SETBP1: variants seen among roughly 807,000 people sequenced by gnomAD.
SETBP1 encodes the protein SET-binding protein.
In SETBP1, 9 loss-of-function variants were observed where a neutral mutation model predicts 101.0. The ratio of observed to expected loss-of-function variants is 0.09; its 90% CI spans 0.05 to 0.16. The LOEUF (loss-of-function observed/expected upper bound fraction) is 0.16. Among genes scored for constraint, SETBP1 ranks in the 10% least tolerant of loss-of-function variants. The probability of loss-of-function intolerance (pLI) is 1.00; values close to 1 mark genes in which losing one functional copy is unlikely to be tolerated. For synonymous variants in SETBP1, 818 were observed against 788.5 expected (o/e 1.04, Z -0.63); for missense variants, 1,858 against 2,033.8 (o/e 0.91, Z 1.66).
chr18:44,816,456 G>A (rs886502675), intron 2 of SETBP1, among the ~76,000 whole-genome samples: 3 of 152,158 alleles, frequency 2.0e-5, no homozygotes, highest in Non-Finnish European at 2.9e-5. Flanking sequence ...CCTTTGGGGC[G>A]GGGTTGGCCA....
upstream of SETBP1, chr18:44,680,787 C>G (rs1186487977): frequency 6.6e-6 from 1 of 151,422 alleles, no homozygotes; most frequent in Non-Finnish European, 1.5e-5. Context: ...GTCCTGCAGC[C>G]GGCTGGCGGG....
At chr18:44,938,070 G>T (rs2071002997) in intron 3 of SETBP1, among the ~76,000 whole-genome samples, 3 of 152,208 alleles carry the variant, frequency 2.0e-5, no homozygotes, top group Non-Finnish European at 2.9e-5. Context: ...GAAGCAGGGA[G>T]TGGGGGAGCA....
At chr18:44,751,485 T>C (rs545518064) in intron 2 of SETBP1, among the ~76,000 whole-genome samples, 2 of 152,360 alleles carry the variant, frequency 1.3e-5, no homozygotes, top group East Asian at 1.9e-4. Flanking sequence ...CTACCACTAT[T>C]TGACAATGAA....
chr18:45,009,557 T>C lies in SETBP1; in HGVS notation c.4001-28928T>C, dbSNP rs144196506. Among the ~76,000 whole-genome samples, 639 of 152,016 alleles carry C rather than the reference T, an allele frequency of 4.2e-3. 7 individuals are homozygous for C. Among genetic ancestry groups the C allele is most frequent in the African/African-American group, 0.015 (617 of 41,428 alleles). ...AGTCTGATTCATTATCATTCATGGG[T>C]TTGCTCAGGCCCTTGGCTAATACTT... On this transcript the variant is annotated intron_variant, in intron 4 of 5. Coordinates refer to ENST00000649279, the MANE Select transcript of SETBP1 (RefSeq NM_015559.3).
chr18:44,831,141 G>A (rs2072355444), intron 2 of SETBP1, among the ~76,000 whole-genome samples: 1 of 152,226 alleles, frequency 6.6e-6, no homozygotes, highest in African/African-American at 2.4e-5. Context: ...GTAGAGGCCT[G>A]TTTGTGAACA....
chr18:44,971,900 T>G (rs2071870716), intron 4 of SETBP1, among the ~76,000 whole-genome samples: 1 of 152,232 alleles, frequency 6.6e-6, no homozygotes, highest in Non-Finnish European at 1.5e-5. Flanking sequence ...ATTTGTCAAT[T>G]TTGGCTTTTG....
chr18:44,804,432 G>A (rs915216955), intron 2 of SETBP1, among the ~76,000 whole-genome samples: 2 of 152,104 alleles, frequency 1.3e-5, no homozygotes, highest in Admixed American at 6.6e-5. Context: ...TGTAGAGTCC[G>A]TGGAGAGCCT....
chr18:44,788,790 A>ATTTTTTTTTTTTTTTTTTTTTTTTTTT (rs34929410), intron 2 of SETBP1, among the ~76,000 whole-genome samples: 1 of 80,434 alleles, frequency 1.2e-5, no homozygotes. Flanking sequence ...TTCCTTTTTA[A>ATTTTTTTTTTTTTTTTTTTTTTTTTTT]TTTTTTTTTT....
chr18:44,935,717 AG>A (rs1254584147), intron 3 of SETBP1, among the ~76,000 whole-genome samples: 1 of 152,238 alleles, frequency 6.6e-6, no homozygotes, highest in Non-Finnish European at 1.5e-5. Flanking sequence ...TGTATTTAGA[AG>A]AGGCCACTGG....
intron 5 of SETBP1, among the ~76,000 whole-genome samples, chr18:45,056,589 G>A (rs1245084586): frequency 6.6e-6 from 1 of 152,242 alleles, no homozygotes; most frequent in East Asian, 1.9e-4. Flanking sequence ...CACCCCACTT[G>A]GGAAGCTGCT....
intron 3 of SETBP1, among the ~76,000 whole-genome samples, chr18:44,904,667 A>G (rs1012070408): frequency 1.3e-5 from 2 of 152,216 alleles, no homozygotes; most frequent in African/African-American, 4.8e-5. Context: ...AGGGTAGGCT[A>G]GACTGACTTA....
At chr18:44,979,806 C>CA (rs2072071333) in intron 4 of SETBP1, among the ~76,000 whole-genome samples, 1 of 152,126 alleles carries the variant, frequency 6.6e-6, no homozygotes, top group Admixed American at 6.5e-5. Context: ...TTCTTAACAC[C>CA]ATCTATTGCA....
chr18:44,960,709 G>A (rs1410724249), intron 4 of SETBP1, among the ~76,000 whole-genome samples: 1 of 152,002 alleles, frequency 6.6e-6, no homozygotes, highest in Non-Finnish European at 1.5e-5. Context: ...TTTCTTCCCT[G>A]ACCACTCCCT....
intron 2 of SETBP1, among the ~76,000 whole-genome samples, chr18:44,823,638 T>A (rs2072166801): frequency 6.6e-6 from 1 of 152,212 alleles, no homozygotes; most frequent in Non-Finnish European, 1.5e-5. Context: ...CAAACCTCGA[T>A]GCAGAGCAGA....
Position 44,738,228 on chromosome 18 carries a change from A to G in SETBP1, c.486+36396A>G, listed in dbSNP as rs574668085. Reference sequence around the variant, plus strand: ...GTCTCCAGTGGCACTTAATGCTCCAATTGCCATTGTTTGAAGAACGACATC... The same window carrying G: ...GTCTCCAGTGGCACTTAATGCTCCAGTTGCCATTGTTTGAAGAACGACATC... On this transcript the variant is annotated intron_variant, in intron 2 of 5. Transcript: ENST00000649279. Among the ~76,000 whole-genome samples the G allele has an allele frequency of 2.0e-5, 3 of 152,220 alleles. No individual in the cohort carries two copies. The South Asian group carries it at 6.2e-4, about 32-fold the overall frequency.
chr18:45,019,528 A>G (rs558180422), intron 4 of SETBP1, among the ~76,000 whole-genome samples: 2 of 152,264 alleles, frequency 1.3e-5, no homozygotes, highest in East Asian at 1.9e-4. Flanking sequence ...TGACTATTTC[A>G]TTTGCTCTCT....
chr18:44,702,166 T>A (rs2144201923), intron 2 of SETBP1, among the ~76,000 whole-genome samples: 1 of 152,272 alleles, frequency 6.6e-6, no homozygotes, highest in East Asian at 1.9e-4. Context: ...AAAAATATAT[T>A]TGCTATTTAT....
intron 4 of SETBP1, among the ~76,000 whole-genome samples, chr18:44,958,056 G>A (rs2071530147): frequency 6.6e-6 from 1 of 152,148 alleles, no homozygotes; most frequent in African/African-American, 2.4e-5. Context: ...GACCTCTTCT[G>A]TTTTTTGACT....
intron 2 of SETBP1, among the ~76,000 whole-genome samples, chr18:44,856,273 A>G (rs1365044364): frequency 6.6e-6 from 1 of 152,194 alleles, no homozygotes; most frequent in Non-Finnish European, 1.5e-5. Flanking sequence ...GCTCAAGCTG[A>G]GCTCCCATCT....
Sources: allele counts gnomAD v4.1 joint callset (sites outside exome capture counted in the v4.1 genomes callset), GRCh38; gene constraint gnomAD v4.1.1; transcripts MANE v1.5; gene names NCBI Gene and HGNC (gene_info 2026-07-23, HGNC 2026-07-21).